The following RPS6KC1 variants were observed in gnomAD, a reference collection of about 807,000 sequenced individuals.
The protein encoded by RPS6KC1 is inactive ribosomal protein S6 kinase delta-1.
In RPS6KC1, 54 loss-of-function variants were observed where a neutral mutation model predicts 103.8. The ratio of observed to expected loss-of-function variants is 0.52; its 90% CI spans 0.42 to 0.65. RPS6KC1 has a LOEUF of 0.65. Ranked by LOEUF, RPS6KC1 falls within the 30% of genes least tolerant of loss-of-function variation. The pLI, the probability that RPS6KC1 is intolerant of heterozygous loss-of-function variation, is 0.00. For synonymous variants in RPS6KC1, 439 were observed against 438.7 expected (o/e 1.00, Z -0.01); for missense variants, 1,151 against 1,253.8 (o/e 0.92, Z 1.24).
chr1:213,602,098 T>TTCTCTTTCTTTCTTTC, the RPS6KC1 span, among the ~76,000 whole-genome samples: 1 of 17,074 alleles, frequency 5.9e-5, no homozygotes, highest in Non-Finnish European at 1.2e-4. Flanking sequence ...CTTTCTTTCT[T>TTCTCTTTCTTTCTTTC]TCTTTCTTTC....
At chr1:213,537,154 C>G in the RPS6KC1 span, among the ~76,000 whole-genome samples, 1 of 152,166 alleles carries the variant, frequency 6.6e-6, no homozygotes, top group African/African-American at 2.4e-5. Flanking sequence ...AATCTCAGGG[C>G]CTCCATTCTC....
chr1:213,051,621 G>T, intron 1 of RPS6KC1, 112 bp downstream of exon 1: 1 of 739,160 alleles, frequency 1.4e-6, no homozygotes. Context: ...GGTGGGACTG[G>T]GTGCTGCTCC....
At chr1:213,624,630 G>A in the RPS6KC1 span, among the ~76,000 whole-genome samples, 1 of 152,166 alleles carries the variant, frequency 6.6e-6, no homozygotes, top group African/African-American at 2.4e-5. Context: ...GGGGAACTCT[G>A]CCTCAGCCTA....
chr1:213,482,136 G>C, the RPS6KC1 span, among the ~76,000 whole-genome samples: 1,140 of 152,274 alleles, frequency 7.5e-3, 16 homozygotes, highest in African/African-American at 0.026. Context: ...GCAGAACCAT[G>C]AGACAATTAA....
chr1:213,607,788 G>A, the RPS6KC1 span, among the ~76,000 whole-genome samples: 7 of 152,218 alleles, frequency 4.6e-5, no homozygotes, highest in South Asian at 2.1e-4. Flanking sequence ...TGTTGAGTGC[G>A]TGTTGGGGAT....
At chr1:213,827,032 C>T in the RPS6KC1 span, among the ~76,000 whole-genome samples, 12 of 152,276 alleles carry the variant, frequency 7.9e-5, 1 homozygote, top group African/African-American at 1.4e-4. Flanking sequence ...CTAAGATTAA[C>T]GCTGGGCTTG....
intron 8 of RPS6KC1, among the ~76,000 whole-genome samples, chr1:213,217,999 C>T (rs1273843320): frequency 1.3e-5 from 2 of 152,082 alleles, no homozygotes; most frequent in African/African-American, 4.8e-5. Flanking sequence ...TCCTATTGAA[C>T]GTATTGTTGA....
the RPS6KC1 span, among the ~76,000 whole-genome samples, chr1:213,493,613 G>A: frequency 6.6e-6 from 1 of 152,204 alleles, no homozygotes; most frequent in South Asian, 2.1e-4. Context: ...GAGCTTAACT[G>A]TATATAAGTG....
chr1:213,636,029 G>C, the RPS6KC1 span, among the ~76,000 whole-genome samples: 1 of 152,136 alleles, frequency 6.6e-6, no homozygotes, highest in Admixed American at 6.5e-5. Flanking sequence ...TTGCTACAAA[G>C]AGAATAAAAT....
the RPS6KC1 span, among the ~76,000 whole-genome samples, chr1:213,762,394 G>A: frequency 3.9e-5 from 6 of 152,128 alleles, no homozygotes; most frequent in Non-Finnish European, 7.3e-5. Context: ...GCTTCCCCCA[G>A]CATCCTGGGC....
chr1:213,255,608 C>T (rs1427436404), intron 12 of RPS6KC1, among the ~76,000 whole-genome samples: 2 of 152,076 alleles, frequency 1.3e-5, no homozygotes, highest in Admixed American at 1.3e-4. Flanking sequence ...TTTTGATAGC[C>T]ACACAACCTC....
chr1:213,402,734 C>T, the RPS6KC1 span, among the ~76,000 whole-genome samples: 1 of 151,760 alleles, frequency 6.6e-6, no homozygotes, highest in Non-Finnish European at 1.5e-5. Flanking sequence ...GGGTTCTTTC[C>T]AATAAACTCA....
the RPS6KC1 span, among the ~76,000 whole-genome samples, chr1:213,457,278 T>C: frequency 6.6e-6 from 1 of 152,236 alleles, no homozygotes; most frequent in African/African-American, 2.4e-5. Context: ...CTCCACGCCA[T>C]CCTCGGCAAC....
At chr1:213,293,535 C>G in the RPS6KC1 span, among the ~76,000 whole-genome samples, 1 of 152,126 alleles carries the variant, frequency 6.6e-6, no homozygotes. Flanking sequence ...CACATATCTG[C>G]TGGGGAAATA....
the RPS6KC1 span, among the ~76,000 whole-genome samples, chr1:213,780,656 G>A: frequency 6.6e-6 from 1 of 152,146 alleles, no homozygotes; most frequent in African/African-American, 2.4e-5. Flanking sequence ...CCATGAGCTG[G>A]AAAAGAAGAA....
chr1:213,159,046 G>A (rs1381970307), intron 6 of RPS6KC1, among the ~76,000 whole-genome samples: 1 of 152,020 alleles, frequency 6.6e-6, no homozygotes, highest in Non-Finnish European at 1.5e-5. Flanking sequence ...AAAACAGTAT[G>A]TTTTGCTTCT....
At chr1:213,639,224 T>C in the RPS6KC1 span, among the ~76,000 whole-genome samples, 4 of 152,132 alleles carry the variant, frequency 2.6e-5, no homozygotes. Flanking sequence ...CTCACTTTTC[T>C]CTAGGAGGTT....
the RPS6KC1 span, among the ~76,000 whole-genome samples, chr1:213,649,630 T>C: frequency 6.6e-6 from 1 of 152,136 alleles, no homozygotes; most frequent in South Asian, 2.1e-4. Context: ...ACTCCTCCTT[T>C]GTGTTCTCAG....
intron 14 of RPS6KC1, among the ~76,000 whole-genome samples, chr1:213,270,974 G>A (rs78282093): frequency 6.6e-6 from 1 of 152,094 alleles, no homozygotes; most frequent in African/African-American, 2.4e-5. Flanking sequence ...CATACATAAA[G>A]GTTTGTGGGA....
Sources: gnomAD v4.1 joint callset for allele counts (sites outside exome capture counted in the v4.1 genomes callset) on GRCh38, gnomAD v4.1.1 for gene constraint, MANE v1.5 for transcripts, NCBI Gene and HGNC (gene_info 2026-07-23, HGNC 2026-07-21) for gene names.